BMP3: variants seen among roughly 807,000 people sequenced by gnomAD.
The protein encoded by BMP3 is bone morphogenetic protein 3 (osteogenic).
BMP3 carries 23 observed loss-of-function variants against 38.1 expected under a neutral mutation model. The ratio of observed to expected loss-of-function variants is 0.60; its 90% confidence interval spans 0.43 to 0.86. BMP3 has a LOEUF of 0.86. Among genes scored for constraint, BMP3 ranks in the 40% least tolerant of loss-of-function variants. The pLI is 0.00. For missense variants in BMP3, 628 were observed against 579.6 expected, an observed-to-expected ratio of 1.08 and a Z score of -0.86; for synonymous variants, 258 against 225.7, an observed-to-expected ratio of 1.14 and a Z score of -1.28.
At chr4:81,037,013 T>C (rs1739941403) in intron 1 of BMP3, among the ~76,000 whole-genome samples, 2 of 152,098 alleles carry the variant, frequency 1.3e-5, no homozygotes, top group East Asian at 1.9e-4. Flanking sequence ...CATCTTTTCA[T>C]GGCTATAGAA....
chr4:81,036,578 C>A (rs1426685242), intron 1 of BMP3, among the ~76,000 whole-genome samples: 1 of 151,868 alleles, frequency 6.6e-6, no homozygotes, highest in African/African-American at 2.4e-5. Flanking sequence ...TCACAAATAA[C>A]CTTAAGTCGG....
At chr4:81,044,021 T>C (rs1228555216) in intron 1 of BMP3, among the ~76,000 whole-genome samples, 1 of 152,196 alleles carries the variant, frequency 6.6e-6, no homozygotes. Flanking sequence ...TTTATACATG[T>C]CTCATTTAAT....
intron 2 of BMP3, among the ~76,000 whole-genome samples, chr4:81,051,592 GGCTGCAAAA>G (rs1326631249): frequency 1.3e-5 from 2 of 152,150 alleles, no homozygotes; most frequent in Non-Finnish European, 2.9e-5. Flanking sequence ...AAAAGTGGAT[GGCTGCAAAA>G]GCTTTCTTTA....
At chr4:81,047,810 TG>T in intron 2 of BMP3, among the ~76,000 whole-genome samples, 1 of 152,144 alleles carries the variant, frequency 6.6e-6, no homozygotes, top group African/African-American at 2.4e-5. Context: ...CACAGTGGCA[TG>T]CCCCTGTAGT....
rs1740212682 is a variant in BMP3, at chr4:81,045,750, G to T, written c.329G>T (p.Arg110Ile). 1.3e-6 allele frequency: 2 copies of T among 1,591,196 alleles called. No individual in the cohort carries two copies. Among genetic ancestry groups the T allele is most frequent in the Non-Finnish European group, 1.7e-6 (2 of 1,171,068 alleles). The change falls in exon 2 of 3, where the codon AGA becomes ATA. Residue 110 changes from arginine (R) to isoleucine (I), a missense_variant. By Grantham distance (97) the Arg-to-Ile change is moderately conservative. Transcript: ENST00000282701. ...TTTTCCTTCCTAGAAACTCTTGAAA[G>T]AAAAGGACTGTATATCTTCAATCTG... Reference protein sequence around the residue: ...FRAAAAETLERKGLYIFNLTS... With the variant: ...FRAAAAETLEIKGLYIFNLTS...
rs762315800 is a variant in BMP3, at chr4:81,046,039, G to C, written c.618G>C (p.Leu206Phe). ...TGTCTAAAGATATCACTCAACTCTTGAGGAAGGCCAAAGAAAATGAAGAGT... is the reference window on the plus strand; with the variant it reads ...TGTCTAAAGATATCACTCAACTCTTCAGGAAGGCCAAAGAAAATGAAGAGT... ...SWLSKDITQL[L>F]RKAKENEEFL... Residue 206 changes from leucine (L) to phenylalanine (F), a missense_variant, in exon 2 of 3, where the codon TTG becomes TTC. Physicochemically the swap from Leu to Phe is conservative, Grantham distance 22 (BLOSUM62 0). Transcript: ENST00000282701. The C allele has an allele frequency of 6.2e-7, 1 of 1,614,160 alleles. No homozygotes were observed. The highest frequency in any genetic ancestry group is 8.5e-7 in the Non-Finnish European group (1 of 1,180,030).
At chr4:81,052,615 A>G (rs1740425136) in intron 2 of BMP3, among the ~76,000 whole-genome samples, 1 of 152,114 alleles carries the variant, frequency 6.6e-6, no homozygotes, top group African/African-American at 2.4e-5. Context: ...CTCTTAGAAC[A>G]CAACTCCATG....
chr4:81,039,400 A>G (rs965432424), intron 1 of BMP3, among the ~76,000 whole-genome samples: 2 of 152,126 alleles, frequency 1.3e-5, no homozygotes, highest in African/African-American at 2.4e-5. Context: ...TTTCCATTGT[A>G]TGTTCTAATT....
chr4:81,052,442 T>A (rs1414557632), intron 2 of BMP3, among the ~76,000 whole-genome samples: 1 of 152,192 alleles, frequency 6.6e-6, no homozygotes, highest in Non-Finnish European at 1.5e-5. Flanking sequence ...TATGGGGTTC[T>A]CTAAATAAAA....
rs1348961716 is a variant in BMP3 at position 81,055,283 on chromosome 4, C to A, written c.*1747C>A. The stretch of plus-strand genomic sequence containing the variant: ...CTTTGGTTTAAGTGGTATTTTATTG[C>A]AAACCCATTAAAAGAATAACTCATG... On this transcript the variant is annotated 3_prime_UTR_variant, in exon 3 of 3. Coordinates refer to ENST00000282701, the MANE Select transcript of BMP3 (RefSeq NM_001201.5). The A allele has an allele frequency of 3.9e-5, 6 of 152,154 alleles. No homozygotes were observed. In the South Asian group the frequency reaches 8.3e-4, roughly 21 times the overall value. The allele number at this position is 152,154 out of a possible 1,614,324, so 9.4% of individuals were successfully genotyped here.
At position 81,031,504 on chromosome 4, in the gene BMP3, C is replaced by G. The variant is rs61729824; in HGVS notation, c.220C>G (p.Arg74Gly). 1.3e-3 allele frequency: 2,031 copies of G among 1,612,914 alleles called. 19 individuals carry two copies. The African/African-American group carries it at 0.023, about 18-fold the overall frequency. The part of the protein sequence containing the change: ...YDRYSTVQAA[R>G]TPGSLEGGSQ... ...CAGGTACAGCACGGTCCAGGCGGCCCGGACACCGGGCTCCCTGGAGGGAGG... is the reference window on the plus strand; with the variant it reads ...CAGGTACAGCACGGTCCAGGCGGCCGGGACACCGGGCTCCCTGGAGGGAGG... Residue 74 changes from arginine (R) to glycine (G), a missense_variant, in exon 1 of 3, where the codon CGG (arginine) becomes GGG (glycine). By Grantham distance (125) the Arg-to-Gly change is moderately radical. Coordinates refer to ENST00000282701, the MANE Select transcript of BMP3 (RefSeq NM_001201.5).
chr4:81,048,515 T>C (rs1418608594), intron 2 of BMP3, among the ~76,000 whole-genome samples: 1 of 152,212 alleles, frequency 6.6e-6, no homozygotes, highest in East Asian at 1.9e-4. Flanking sequence ...TAGTTTGCTT[T>C]TGAACCTCTA....
At chr4:81,038,597 A>T (rs1375032872) in intron 1 of BMP3, among the ~76,000 whole-genome samples, 3 of 152,250 alleles carry the variant, frequency 2.0e-5, no homozygotes, top group Non-Finnish European at 1.5e-5. Flanking sequence ...TCTACTTCAT[A>T]TACAATGATT....
At chr4:81,040,051 A>C (rs1359506821) in intron 1 of BMP3, among the ~76,000 whole-genome samples, 1 of 152,196 alleles carries the variant, frequency 6.6e-6, no homozygotes, top group Non-Finnish European at 1.5e-5. Context: ...CAAAGTCCCA[A>C]CAAGTGTGTA....
rs201266454 is a variant in BMP3 at position 81,031,589 on chromosome 4, C to A, written c.305C>A (p.Ala102Glu). 1.3e-6 allele frequency: 2 copies of A among 1,597,622 alleles called. No individual in the cohort carries two copies. Among genetic ancestry groups the A allele is most frequent in the East Asian group, 4.5e-5 (2 of 44,432 alleles). The change falls in exon 1 of 3, where the codon GCG becomes GAG. Residue 102 changes from alanine (A) to glutamate (E), a missense_variant. Ala to Glu is a moderately radical substitution (Grantham distance 107, BLOSUM62 -1). Transcript: ENST00000282701. ...GGCAACACGGTTCGCAGCTTTCGGGCGGCAGCAGCAGGTGAGTGCGCGAGG... is the reference window on the plus strand; with the variant it reads ...GGCAACACGGTTCGCAGCTTTCGGGAGGCAGCAGCAGGTGAGTGCGCGAGG... ...REGNTVRSFR[A>E]AAAETLERKG...
intron 1 of BMP3, among the ~76,000 whole-genome samples, chr4:81,035,987 CTTATA>C (rs1739912976): frequency 6.6e-6 from 1 of 151,896 alleles, no homozygotes; most frequent in Non-Finnish European, 1.5e-5. Context: ...AGTATGTTAA[CTTATA>C]TTATTACATT....
chr4:81,053,603 T>G lies in BMP3; in HGVS notation c.*67T>G. ...TTTATTTTTATGGACTTCTTCCTGTTTTTTTTTTTTTTTTTTTTGCACTGC... is the reference window on the plus strand; with the variant it reads ...TTTATTTTTATGGACTTCTTCCTGTGTTTTTTTTTTTTTTTTTTGCACTGC... On this transcript the variant is annotated 3_prime_UTR_variant, in exon 3 of 3. Transcript: ENST00000282701. 7.1e-6 allele frequency: 3 copies of G among 423,628 alleles called. No homozygotes were observed. The East Asian group carries it at 1.7e-4, about 25-fold the overall frequency. The allele number at this position is 423,628 out of a possible 1,614,324, so 26.2% of individuals were successfully genotyped here. A position where few individuals can be genotyped will look rare whatever the true frequency, so the allele number is the denominator to read the frequency against.
intron 1 of BMP3, among the ~76,000 whole-genome samples, chr4:81,039,565 A>G (rs979343304): frequency 1.3e-5 from 2 of 152,154 alleles, no homozygotes; most frequent in African/African-American, 4.8e-5. Flanking sequence ...TCCTGAAATG[A>G]GTCCTTGGTT....
At position 81,046,106 on chromosome 4, in the gene BMP3, C is replaced by T. The variant is rs1740232019; in HGVS notation, c.685C>T (p.Pro229Ser). The T allele has an allele frequency of 6.2e-7, 1 of 1,614,014 alleles. No homozygotes were observed. Among genetic ancestry groups the T allele is most frequent in the Non-Finnish European group, 8.5e-7 (1 of 1,180,028 alleles). ...CATTACGTCCAAGGGACGCCAGCTG[C>T]CAAAGAGGAGGTTACCTTTTCCAGA... ...FNITSKGRQL[P>S]KRRLPFPEPY... The change falls in exon 2 of 3, where the codon CCA (proline) becomes TCA (serine). Residue 229 changes from proline to serine, a missense_variant. By Grantham distance (74) the Pro-to-Ser change is moderately conservative. Coordinates refer to ENST00000282701, the MANE Select transcript of BMP3 (RefSeq NM_001201.5).
Sources: gnomAD v4.1 joint callset for allele counts (sites outside exome capture counted in the v4.1 genomes callset) on GRCh38, gnomAD v4.1.1 for gene constraint, MANE v1.5 for transcripts, NCBI Gene and HGNC (gene_info 2026-07-23, HGNC 2026-07-21) for gene names.